ADGRF1: variants seen among roughly 807,000 people sequenced by gnomAD.
ADGRF1 encodes the protein G protein-coupled receptor 110.
Under a neutral mutation model 87.2 loss-of-function variants are expected in ADGRF1, and 85 were observed. That is an observed-to-expected ratio of 0.97 (90% CI 0.82 to 1.17). The LOEUF (loss-of-function observed/expected upper bound fraction) is 1.17, where lower values mean the gene tolerates loss of function less well. Among genes scored for constraint, ADGRF1 ranks in the 50% most tolerant of loss-of-function variants. The pLI, the probability that ADGRF1 is intolerant of heterozygous loss-of-function variation, is 0.00. For missense variants in ADGRF1, 1,169 were observed against 1,077.2 expected (o/e 1.09, Z -1.19); for synonymous variants, 430 against 408.8 (o/e 1.05, Z -0.63).
At position 47,024,215 on chromosome 6, in the gene ADGRF1, A is replaced by C; in HGVS notation, c.280T>G (p.Cys94Gly). Residue 94 changes from cysteine (C) to glycine (G), a missense_variant and splice_region_variant, in exon 5 of 15, where the codon TGC becomes GGC. By Grantham distance (159) the Cys-to-Gly change is radical. Coordinates refer to ENST00000371253, the MANE Select transcript of ADGRF1 (RefSeq NM_153840.4). ...TGCAGGACTCCATTCAGGCTGTTGC[A>C]GTCTGCACAAGAAATAGAACTCAGT... is the stretch of plus-strand genomic sequence containing the variant. ...RIIRAKATTD[C>G]NSLNGVLQCT... 6.2e-7 allele frequency: 1 copy of C among 1,612,334 alleles called. No homozygotes were observed. The highest frequency in any genetic ancestry group is 8.5e-7 in the Non-Finnish European group (1 of 1,178,784).
intron 1 of ADGRF1, among the ~76,000 whole-genome samples, chr6:47,033,711 C>T (rs77566156): frequency 0.011 from 1,685 of 152,340 alleles, 40 homozygotes; most frequent in African/African-American, 0.038. Context: ...CTTGGTTTTG[C>T]TTTATCTCTC....
rs866296123 is a variant in ADGRF1, at chr6:47,010,099, T to C, written c.1336A>G (p.Ser446Gly). Residue 446 changes from serine to glycine, a missense_variant, in exon 11 of 15, where the codon AGC becomes GGC. Coordinates refer to ENST00000371253, the MANE Select transcript of ADGRF1 (RefSeq NM_153840.4). ...TGGGGACACATTTTAATCTGATAGC[T>C]GTAACCCCTTTTGAGTTGGCTTTTG... is the stretch of plus-strand genomic sequence containing the variant. ...VNKSQLKRGY[S>G]YQIKMCPQNT... 23 of 1,614,092 alleles carry C rather than the reference T, an allele frequency of 1.4e-5. No individual in the cohort carries two copies. The Admixed American group carries it at 2.8e-4, about 20-fold the overall frequency.
Position 47,009,275 on chromosome 6 carries a change from G to A in ADGRF1, c.2160C>T (p.Val720=). ...PLIISVITIA[V]TQPSNTYKRK... ...TTTTGTAGGTATTGCTAGGTTGCGTGACAGCAATGGTAATGACAGATATAA... is the reference window on the plus strand; with the variant it reads ...TTTTGTAGGTATTGCTAGGTTGCGTAACAGCAATGGTAATGACAGATATAA... The change falls in exon 11 of 15, where the codon GTC becomes GTT. Residue 720 remains valine, a synonymous_variant. Transcript: ENST00000371253. The A allele has an allele frequency of 6.2e-7, 1 of 1,614,120 alleles. No homozygotes were observed. Among genetic ancestry groups the A allele is most frequent in the South Asian group, 1.1e-5 (1 of 91,074 alleles).
Position 47,025,812 on chromosome 6 carries a change from G to A in ADGRF1, c.277+42C>T, listed in dbSNP as rs202148484. ...CCAACCTAGCCTGACTGATATACCC[G>A]CCTTCCCCATTTATACATCCAGTCA... On this transcript the variant is annotated intron_variant, in intron 4 of 14. Coordinates refer to ENST00000371253, the MANE Select transcript of ADGRF1 (RefSeq NM_153840.4). The A allele has an allele frequency of 5.4e-5, 82 of 1,512,410 alleles. No homozygotes were observed. The East Asian group carries it at 9.6e-4, about 18-fold the overall frequency. The allele number at this position is 1,512,410 out of a possible 1,614,324, so 93.7% of individuals were successfully genotyped here. A position where few individuals can be genotyped will look rare whatever the true frequency, so the allele number is the denominator to read the frequency against.
At chr6:47,014,534 C>T (rs962628645) in intron 9 of ADGRF1, 147 bp downstream of exon 9, 12 of 1,435,086 alleles carry the variant, frequency 8.4e-6, no homozygotes, top group Non-Finnish European at 1.1e-5. Context: ...TCCACGGGTT[C>T]ACCAGGGTCT....
At chr6:47,027,905 C>T in intron 2 of ADGRF1, 144 bp from the exon 3 acceptor site, 2 of 639,534 alleles carry the variant, frequency 3.1e-6, no homozygotes, top group Non-Finnish European at 5.6e-6. Flanking sequence ...GAAGGCCTCA[C>T]TGGAGCAACT....
intron 9 of ADGRF1, chr6:47,013,260 G>C: frequency 1.0e-6 from 1 of 985,416 alleles, no homozygotes; most frequent in Non-Finnish European, 1.2e-6. Flanking sequence ...CAAGCCACCT[G>C]GGATCTGCCT....
At chr6:47,040,863 G>A (rs1358802534) in intron 1 of ADGRF1, among the ~76,000 whole-genome samples, 5 of 152,208 alleles carry the variant, frequency 3.3e-5, no homozygotes. Flanking sequence ...TGTTGTGAAA[G>A]TATGGTGCTT....
In ADGRF1 at chr6:46,999,511, T is replaced by C. The variant is rs1454371870; in HGVS notation, c.*711A>G. 1 of 152,082 alleles carries C rather than the reference T, an allele frequency of 6.6e-6. No individual in the cohort carries two copies. Among genetic ancestry groups the C allele is most frequent in the East Asian group, 1.9e-4 (1 of 5,196 alleles). 9.4% of individuals were successfully genotyped at this position (152,082 alleles called of 1,614,324 possible). A position where few individuals can be genotyped will look rare whatever the true frequency, so the allele number is the denominator to read the frequency against. Reference sequence around the variant, plus strand: ...CTCTCTGAGCCCCCATGCCCTCATCTCTGCACTAGGTCTGCCTTGACACTT... The same window carrying C: ...CTCTCTGAGCCCCCATGCCCTCATCCCTGCACTAGGTCTGCCTTGACACTT... On this transcript the variant is annotated 3_prime_UTR_variant, in exon 15 of 15. Coordinates refer to ENST00000371253, the MANE Select transcript of ADGRF1 (RefSeq NM_153840.4).
chr6:47,026,622 A>G (rs1780243718), intron 3 of ADGRF1, among the ~76,000 whole-genome samples: 1 of 152,102 alleles, frequency 6.6e-6, no homozygotes, highest in South Asian at 2.1e-4. Flanking sequence ...TGATTTTGAC[A>G]GGGAAAGGAG....
At position 46,999,068 on chromosome 6, in the gene ADGRF1, T is replaced by A. The variant is rs1779287120; in HGVS notation, c.*1154A>T. On this transcript the variant is annotated 3_prime_UTR_variant, in exon 15 of 15. Transcript: ENST00000371253. ...GCAAGGATGAATCAAAGGCTCGGGT[T>A]CCTCTGGGCACTATGGTCACGGCTG... is the stretch of plus-strand genomic sequence containing the variant. 1 of 152,232 alleles carries A rather than the reference T, an allele frequency of 6.6e-6. No homozygotes were observed. Among genetic ancestry groups the A allele is most frequent in the Non-Finnish European group, 1.5e-5 (1 of 68,076 alleles). The allele number at this position is 152,232 out of a possible 1,614,324, so 9.4% of individuals were successfully genotyped here.
intron 12 of ADGRF1, among the ~76,000 whole-genome samples, 194 bp from the exon 13 acceptor site, chr6:47,006,070 A>C (rs1582138752): frequency 6.6e-6 from 1 of 152,212 alleles, no homozygotes; most frequent in South Asian, 2.1e-4. Context: ...GAGTTCAACA[A>C]AGAACAACAG....
intron 12 of ADGRF1, among the ~76,000 whole-genome samples, chr6:47,006,385 C>A (rs1260127454): frequency 6.6e-6 from 1 of 151,986 alleles, no homozygotes; most frequent in Non-Finnish European, 1.5e-5. Context: ...TTGTTTAATG[C>A]TTGGGTTTAT....
intron 13 of ADGRF1, among the ~76,000 whole-genome samples, chr6:47,004,024 G>T (rs372118313): frequency 1.6e-4 from 25 of 152,148 alleles, no homozygotes; most frequent in African/African-American, 5.3e-4. Context: ...GTCCTCTTCT[G>T]CCCATTATCC....
At chr6:47,012,221 A>G (rs1779729298) in intron 9 of ADGRF1, 26 bp from the exon 10 acceptor site, 1 of 1,602,224 alleles carries the variant, frequency 6.2e-7, no homozygotes, top group African/African-American at 1.3e-5. Context: ...GTTAAGTTCT[A>G]GAAAACAATG....
rs776885945 is a variant in ADGRF1, at chr6:47,027,784, T to G, written c.70-23A>C. The G allele has an allele frequency of 1.1e-5, 15 of 1,324,594 alleles. No homozygotes were observed. In the South Asian group the frequency reaches 1.7e-4, roughly 15 times the overall value. 82.1% of individuals were successfully genotyped at this position (1,324,594 alleles called of 1,614,324 possible). A position where few individuals can be genotyped will look rare whatever the true frequency, so the allele number is the denominator to read the frequency against. On this transcript the variant is annotated intron_variant, in intron 2 of 14. Coordinates refer to ENST00000371253, the MANE Select transcript of ADGRF1 (RefSeq NM_153840.4). ...TTTCTGTTAAAAAGAAAAAAAATAG[T>G]TACGGTGAGACTTTGAAGAGTTGTG... is the stretch of plus-strand genomic sequence containing the variant.
intron 8 of ADGRF1, among the ~76,000 whole-genome samples, chr6:47,016,053 G>C (rs950163285): frequency 6.6e-6 from 1 of 152,058 alleles, no homozygotes; most frequent in African/African-American, 2.4e-5. Flanking sequence ...TAAGATTTTT[G>C]TTTGTTTTCA....
chr6:47,016,692 C>T lies in ADGRF1; in HGVS notation c.688G>A (p.Val230Ile). 1 of 1,612,726 alleles carries T rather than the reference C, an allele frequency of 6.2e-7. No individual in the cohort carries two copies. Among genetic ancestry groups the T allele is most frequent in the South Asian group, 1.1e-5 (1 of 90,976 alleles). ...AGGGCTGTCTTAGCCTTCTCGGCAA[C>T]ATGTTCAATGGCTGACAGCAGTTCA... ...ASELLSAIEHVAEKAKTALHK... is the reference protein window; with the variant it reads ...ASELLSAIEHIAEKAKTALHK... The change falls in exon 8 of 15, where the codon GTT (valine) becomes ATT (isoleucine). Residue 230 changes from valine to isoleucine, a missense_variant. Coordinates refer to ENST00000371253, the MANE Select transcript of ADGRF1 (RefSeq NM_153840.4).
At chr6:47,003,731 A>T (rs1271207227) in intron 13 of ADGRF1, among the ~76,000 whole-genome samples, 1 of 152,180 alleles carries the variant, frequency 6.6e-6, no homozygotes, top group Admixed American at 6.5e-5. Context: ...CCTCGCATGT[A>T]CTGACTGATG....
Sources: allele counts gnomAD v4.1 joint callset (sites outside exome capture counted in the v4.1 genomes callset), GRCh38; gene constraint gnomAD v4.1.1; transcripts MANE v1.5; gene names NCBI Gene and HGNC (gene_info 2026-07-23, HGNC 2026-07-21).